MED12L: variants seen among roughly 807,000 people sequenced by gnomAD.
The protein encoded by MED12L is mediator of RNA polymerase II transcription subunit 12-like protein.
In MED12L, 60 loss-of-function variants were observed where a neutral mutation model predicts 281.3. That is an observed-to-expected ratio of 0.21 (90% CI 0.17 to 0.26). MED12L has a LOEUF of 0.26. Ranked by LOEUF, MED12L falls within the 10% of genes least tolerant of loss-of-function variation. The probability of loss-of-function intolerance (pLI) is 1.00; values close to 1 mark genes in which losing one functional copy is unlikely to be tolerated. For synonymous variants in MED12L, 974 were observed against 987.2 expected, an observed-to-expected ratio of 0.99 and a Z score of 0.25; for missense variants, 2,146 against 2,680.9, an observed-to-expected ratio of 0.80 and a Z score of 4.41.
intron 5 of MED12L, among the ~76,000 whole-genome samples, chr3:151,140,953 C>T (rs925970087): frequency 9.9e-5 from 15 of 151,734 alleles, no homozygotes; most frequent in Non-Finnish European, 1.8e-4. Context: ...CTGCAAACTC[C>T]GCATCCCAGG....
intron 42 of MED12L, 70 bp downstream of exon 42, chr3:151,413,365 A>T (rs1374489779): frequency 1.3e-6 from 2 of 1,513,314 alleles, no homozygotes; most frequent in African/African-American, 2.8e-5. Context: ...AGTCATAAAA[A>T]ATGAAAAACA....
intron 16 of MED12L, among the ~76,000 whole-genome samples, chr3:151,244,976 T>G (rs56344244): frequency 0.027 from 4,072 of 151,072 alleles, 165 homozygotes; most frequent in African/African-American, 0.094. Context: ...TACCATCAGA[T>G]AATACTACAA....
chr3:151,163,128 T>C (rs1424068411), intron 8 of MED12L, among the ~76,000 whole-genome samples: 1 of 152,156 alleles, frequency 6.6e-6, no homozygotes, highest in Non-Finnish European at 1.5e-5. Context: ...ACGCGGCTCA[T>C]AGTCCTCTTT....
chr3:151,429,488 A>G (rs1009165404), intron 43 of MED12L, among the ~76,000 whole-genome samples: 2 of 152,222 alleles, frequency 1.3e-5, no homozygotes, highest in Admixed American at 6.5e-5. Flanking sequence ...GGAAGAAAGA[A>G]AAGGAGAAAA....
intron 25 of MED12L, among the ~76,000 whole-genome samples, chr3:151,368,630 A>G (rs1255066914): frequency 2.4e-5 from 1 of 41,002 alleles, no homozygotes; most frequent in Non-Finnish European, 5.5e-5. Flanking sequence ...ATTTTATTTT[A>G]TTTCATTTCA....
intron 2 of MED12L, among the ~76,000 whole-genome samples, chr3:151,113,493 C>A (rs1440072652): frequency 1.3e-5 from 2 of 152,104 alleles, no homozygotes; most frequent in East Asian, 3.9e-4. Context: ...TTAAAAAGCT[C>A]CCTATGGCTG....
chr3:151,373,612 C>G (rs1454495164), intron 27 of MED12L, among the ~76,000 whole-genome samples: 1 of 151,304 alleles, frequency 6.6e-6, no homozygotes, highest in Non-Finnish European at 1.5e-5. Flanking sequence ...AGTTTGTGTC[C>G]TATTTTAAGG....
At chr3:151,310,478 C>T (rs1285790737) in intron 16 of MED12L, among the ~76,000 whole-genome samples, 1 of 152,112 alleles carries the variant, frequency 6.6e-6, no homozygotes, top group Admixed American at 6.5e-5. Flanking sequence ...AACATTGGTT[C>T]TTTATGTTAA....
intron 11 of MED12L, among the ~76,000 whole-genome samples, chr3:151,178,170 A>C (rs957514024): frequency 6.6e-6 from 1 of 150,560 alleles, no homozygotes; most frequent in Non-Finnish European, 1.5e-5. Flanking sequence ...AAAAAAAAAA[A>C]AAAAAAAAAA....
chr3:151,266,546 C>T (rs1739865926), intron 16 of MED12L, among the ~76,000 whole-genome samples: 1 of 152,226 alleles, frequency 6.6e-6, no homozygotes, highest in Non-Finnish European at 1.5e-5. Flanking sequence ...ATTTTGACTT[C>T]CACCTTAGCG....
At chr3:151,358,829 A>G (rs140664079) in intron 20 of MED12L, among the ~76,000 whole-genome samples, 29 of 152,316 alleles carry the variant, frequency 1.9e-4, no homozygotes, top group African/African-American at 6.3e-4. Flanking sequence ...AGTTGAGGAA[A>G]CACTGACTAC....
chr3:151,274,448 A>G (rs1741517051), intron 16 of MED12L, among the ~76,000 whole-genome samples: 1 of 152,240 alleles, frequency 6.6e-6, no homozygotes, highest in Non-Finnish European at 1.5e-5. Flanking sequence ...TAGTGGGGAA[A>G]GAGGCAGTGA....
At chr3:151,427,700 C>T (rs978306256) in intron 43 of MED12L, among the ~76,000 whole-genome samples, 1 of 152,172 alleles carries the variant, frequency 6.6e-6, no homozygotes, top group African/African-American at 2.4e-5. Flanking sequence ...TATTTGGAAG[C>T]TGGTATTTTC....
chr3:151,272,361 C>T (rs935505165), intron 16 of MED12L, among the ~76,000 whole-genome samples: 1 of 152,184 alleles, frequency 6.6e-6, no homozygotes, highest in Non-Finnish European at 1.5e-5. Context: ...TGTTTTTCTA[C>T]TCAGTATATC....
intron 16 of MED12L, among the ~76,000 whole-genome samples, chr3:151,290,097 T>C (rs2149666272): frequency 6.6e-6 from 1 of 152,240 alleles, no homozygotes; most frequent in South Asian, 2.1e-4. Context: ...TTCACCATGT[T>C]GGCCAGGATG....
Position 151,394,835 on chromosome 3 carries a change from C to T in MED12L, c.5788C>T (p.Leu1930Phe), listed in dbSNP as rs1239984334. 4 of 1,614,082 alleles carry T rather than the reference C, an allele frequency of 2.5e-6. No individual in the cohort carries two copies. Among genetic ancestry groups the T allele is most frequent in the Non-Finnish European group, 3.4e-6 (4 of 1,180,048 alleles). The change falls in exon 39 of 45, where the codon CTC (leucine) becomes TTC (phenylalanine). Residue 1930 changes from leucine to phenylalanine, a missense_variant. Transcript: ENST00000687756. ...LLQQQQQQRL[L>F]RQAQTRPFQQ... ...GCAGCAGCAGCAGCAACAGCGACTT[C>T]TCAGGCAAGCCCAGACTCGGCCTTT...
chr3:151,288,457 T>G (rs924816169), intron 16 of MED12L, among the ~76,000 whole-genome samples: 3 of 152,258 alleles, frequency 2.0e-5, no homozygotes, highest in African/African-American at 7.2e-5. Flanking sequence ...ATTTTGGAGA[T>G]CCACATCACT....
At position 151,126,448 on chromosome 3, in the gene MED12L, GGGC is replaced by G. The variant is rs560784142; in HGVS notation, c.397-1376_397-1374del. Among the ~76,000 whole-genome samples the G allele has an allele frequency of 1.6e-3, 237 of 152,264 alleles. 1 individual carries two copies. Among genetic ancestry groups the G allele is most frequent in the South Asian group, 5.6e-3 (27 of 4,826 alleles). ...GGTGAAATAGTTTGCTTGTTTTTAA[GGGC>G]CACATACTAAAAGAATGAGCTCTTA... On this transcript the variant is annotated intron_variant, in intron 4 of 44. Coordinates refer to ENST00000687756, the MANE Select transcript of MED12L (RefSeq NM_001393769.1).
At chr3:151,154,517 C>G (rs181199847) in intron 5 of MED12L, among the ~76,000 whole-genome samples, 3 of 152,072 alleles carry the variant, frequency 2.0e-5, no homozygotes, top group East Asian at 1.9e-4. Flanking sequence ...TTTAAAAAAT[C>G]TTAAAAAGGA....
Sources: allele counts gnomAD v4.1 joint callset (sites outside exome capture counted in the v4.1 genomes callset), GRCh38; gene constraint gnomAD v4.1.1; transcripts MANE v1.5; gene names NCBI Gene and HGNC (gene_info 2026-07-23, HGNC 2026-07-21).